PLEKHG1: variants seen among roughly 807,000 people sequenced by gnomAD.
The protein encoded by PLEKHG1 is pleckstrin homology and RhoGEF domain containing G1, also known as pleckstrin homology domain-containing family G member 1.
In PLEKHG1, 44 loss-of-function variants were observed where a neutral mutation model predicts 100.8. That is an observed-to-expected ratio of 0.44 (90% CI 0.34 to 0.56). PLEKHG1 has a LOEUF of 0.56. Ranked by LOEUF, PLEKHG1 falls within the 20% of genes least tolerant of loss-of-function variation. The pLI is 0.01. For synonymous variants in PLEKHG1, 640 were observed against 662.5 expected, an observed-to-expected ratio of 0.97 and a Z score of 0.52; for missense variants, 1,545 against 1,720.9, an observed-to-expected ratio of 0.90 and a Z score of 1.81.
intron 3 of PLEKHG1, among the ~76,000 whole-genome samples, chr6:150,677,098 G>A (rs1308682043): frequency 1.3e-5 from 2 of 152,118 alleles, no homozygotes; most frequent in African/African-American, 4.8e-5. Context: ...CTCCATACTT[G>A]CATTGTTTCT....
intron 15 of PLEKHG1, among the ~76,000 whole-genome samples, chr6:150,838,655 C>T (rs1777357215): frequency 6.6e-6 from 1 of 152,166 alleles, no homozygotes; most frequent in Non-Finnish European, 1.5e-5. Flanking sequence ...CTACCCATAG[C>T]ATGGTTAATG....
intron 1 of PLEKHG1, among the ~76,000 whole-genome samples, chr6:150,612,059 C>T (rs866734871): frequency 1.2e-4 from 9 of 74,552 alleles, no homozygotes; most frequent in Non-Finnish European, 2.2e-4. Flanking sequence ...CCCCCCCCCC[C>T]CTTTTCTAGT....
At chr6:150,813,273 A>C (rs1225635889) in intron 10 of PLEKHG1, among the ~76,000 whole-genome samples, 2 of 149,076 alleles carry the variant, frequency 1.3e-5, no homozygotes, top group African/African-American at 2.5e-5. Flanking sequence ...CCACTGCACT[A>C]CGGCCTGGGC....
chr6:150,783,814 T>C (rs1305802032), intron 3 of PLEKHG1, among the ~76,000 whole-genome samples: 1 of 152,232 alleles, frequency 6.6e-6, no homozygotes, highest in African/African-American at 2.4e-5. Context: ...TTAAGATGTC[T>C]ATTTATTTAA....
intron 3 of PLEKHG1, among the ~76,000 whole-genome samples, chr6:150,679,659 A>G (rs1412483070): frequency 1.3e-5 from 2 of 152,248 alleles, no homozygotes; most frequent in Non-Finnish European, 2.9e-5. Flanking sequence ...TTCGTTGAGT[A>G]TGTACTCTGT....
chr6:150,830,714 G>A (rs761187419), exon 15 of PLEKHG1: 18 of 1,614,158 alleles, frequency 1.1e-5, no homozygotes, highest in Non-Finnish European at 1.4e-5. Context: ...CATCTGGACC[G>A]ATCACCAGAT....
intron 1 of PLEKHG1, among the ~76,000 whole-genome samples, chr6:150,612,058 C>CTT (rs745525578): frequency 9.8e-6 from 1 of 101,746 alleles, no homozygotes; most frequent in Admixed American, 9.9e-5. Flanking sequence ...CCCCCCCCCC[C>CTT]CCTTTTCTAG....
intron 1 of PLEKHG1, among the ~76,000 whole-genome samples, chr6:150,630,926 G>T (rs992655520): frequency 1.3e-5 from 2 of 152,262 alleles, no homozygotes; most frequent in African/African-American, 4.8e-5. Flanking sequence ...CATCCTAGCA[G>T]CTGGAAAGTA....
intron 3 of PLEKHG1, among the ~76,000 whole-genome samples, chr6:150,665,630 A>AAAAAATAAAAATAAAAATAAAAAT (rs149374779): frequency 6.7e-6 from 1 of 148,170 alleles, no homozygotes. Context: ...ACTCCATCTC[A>AAAAAATAAAAATAAAAATAAAAAT]AAAAATAAAA....
intron 2 of PLEKHG1, among the ~76,000 whole-genome samples, chr6:150,755,082 C>T (rs940762844): frequency 1.3e-5 from 2 of 151,996 alleles, no homozygotes; most frequent in African/African-American, 4.8e-5. Context: ...CTCAAGCAAC[C>T]CTCCCGCCCT....
intron 7 of PLEKHG1, among the ~76,000 whole-genome samples, chr6:150,807,479 A>C (rs1390270758): frequency 6.6e-6 from 1 of 152,230 alleles, no homozygotes; most frequent in Non-Finnish European, 1.5e-5. Flanking sequence ...GGGTTCCTTA[A>C]TTAAACGGTG....
chr6:150,740,028 G>A (rs1782767542), intron 2 of PLEKHG1, among the ~76,000 whole-genome samples: 1 of 152,190 alleles, frequency 6.6e-6, no homozygotes, highest in Non-Finnish European at 1.5e-5. Flanking sequence ...TCTTATGCTG[G>A]GGAAGCAAAC....
At chr6:150,744,072 A>G (rs989718750) in intron 2 of PLEKHG1, among the ~76,000 whole-genome samples, 3 of 151,660 alleles carry the variant, frequency 2.0e-5, no homozygotes. Context: ...TTTATTTTTT[A>G]TTTTTGTTGT....
At chr6:150,775,762 A>G (rs1412227000) in intron 3 of PLEKHG1, among the ~76,000 whole-genome samples, 2 of 152,196 alleles carry the variant, frequency 1.3e-5, no homozygotes, top group African/African-American at 4.8e-5. Flanking sequence ...CAGCAAGGCA[A>G]AGGAAGGTGG....
intron 1 of PLEKHG1, chr6:150,625,949 T>C (rs2345669): frequency 0.075 from 11,442 of 152,268 alleles, 538 homozygotes; most frequent in Non-Finnish European, 0.1. Context: ...TTGGTACTTT[T>C]TTCAGGTATC....
intron 3 of PLEKHG1, among the ~76,000 whole-genome samples, chr6:150,651,468 A>C (rs1447651914): frequency 6.6e-6 from 1 of 152,130 alleles, no homozygotes; most frequent in Non-Finnish European, 1.5e-5. Context: ...TCCTGACCTC[A>C]AGTGAGCCAT....
chr6:150,687,737 C>T (rs1009196048), intron 3 of PLEKHG1, among the ~76,000 whole-genome samples: 1 of 152,266 alleles, frequency 6.6e-6, no homozygotes, highest in East Asian at 1.9e-4. Context: ...GGCCTGCTGC[C>T]CCTCCATGCT....
chr6:150,831,396 G>T lies in PLEKHG1; in HGVS notation c.2285G>T (p.Arg762Leu), dbSNP rs768382121. 1 of 1,614,130 alleles carries T rather than the reference G, an allele frequency of 6.2e-7. No homozygotes were observed. Among genetic ancestry groups the T allele is most frequent in the South Asian group, 1.1e-5 (1 of 91,076 alleles). The change falls in exon 15 of 16, where the codon CGT becomes CTT. Residue 762 changes from arginine to leucine, a missense_variant. Arg to Leu is a moderately radical substitution (Grantham distance 102). Coordinates refer to ENST00000358517, the Ensembl canonical transcript of PLEKHG1. This position sits in a 1 kb window ranked among gnomAD's most constrained non-coding sequence, Gnocchi z 4.1. ...GGTTTTAAGTGCAGCAGCCTAAAGC[G>T]TGCAAAGCGGAGCACCTTTTTGGGT...
rs377172827 is a variant in PLEKHG1 at position 150,678,554 on chromosome 6, A to G, written c.-99+27768A>G. Among the ~76,000 whole-genome samples the G allele has an allele frequency of 9.2e-5, 14 of 152,324 alleles. No individual in the cohort carries two copies. In the South Asian group the frequency reaches 2.3e-3, roughly 25 times the overall value. Reference sequence around the variant, plus strand: ...CTAACTGATGTAAATAGTAGGAATTAATTTTGTGCAGGCAGGGGTAAAGAT... The same window carrying G: ...CTAACTGATGTAAATAGTAGGAATTGATTTTGTGCAGGCAGGGGTAAAGAT... On this transcript the variant is annotated intron_variant, in intron 3 of 3. Transcript: ENST00000367326.
Sources: gnomAD v4.1 joint callset for allele counts (sites outside exome capture counted in the v4.1 genomes callset) on GRCh38, gnomAD v4.1.1 for gene constraint, Gnocchi (gnomAD v3.1) non-coding constraint, MANE v1.5 for transcripts, NCBI Gene and HGNC (gene_info 2026-07-23, HGNC 2026-07-21) for gene names.